The following AKAP19 variants were observed in gnomAD, a reference collection of about 807,000 sequenced individuals.
The protein encoded by AKAP19 is small A-kinase anchoring protein.
At chr2:190,072,041 A>T in the AKAP19 span, among the ~76,000 whole-genome samples, 1 of 152,202 alleles carries the variant, frequency 6.6e-6, no homozygotes, top group East Asian at 1.9e-4. Flanking sequence ...CTGCAAGGAG[A>T]AAGGGTAAGA....
the AKAP19 span, among the ~76,000 whole-genome samples, chr2:190,191,250 C>G: frequency 7.2e-5 from 11 of 152,082 alleles, no homozygotes; most frequent in Non-Finnish European, 1.3e-4. Context: ...TCAGGTGATT[C>G]TCATGCCTCA....
chr2:190,151,896 G>A, the AKAP19 span, among the ~76,000 whole-genome samples: 1 of 152,094 alleles, frequency 6.6e-6, no homozygotes, highest in Non-Finnish European at 1.5e-5. Context: ...CCAGCTACTT[G>A]GGAGGCTGAG....
chr2:190,154,532 G>T, the AKAP19 span, among the ~76,000 whole-genome samples: 2 of 152,116 alleles, frequency 1.3e-5, no homozygotes, highest in Non-Finnish European at 2.9e-5. Flanking sequence ...AATCGCTTTT[G>T]GGTGTGAGTT....
chr2:189,944,687 T>C, the AKAP19 span, among the ~76,000 whole-genome samples: 1 of 152,100 alleles, frequency 6.6e-6, no homozygotes, highest in East Asian at 1.9e-4. Flanking sequence ...AACGAACAGA[T>C]CATCCAGATA....
chr2:189,889,132 T>C, the AKAP19 span, among the ~76,000 whole-genome samples: 4 of 149,732 alleles, frequency 2.7e-5, no homozygotes, highest in Non-Finnish European at 4.5e-5. Context: ...TTATTGAGAG[T>C]TTTTAGTATG....
the AKAP19 span, among the ~76,000 whole-genome samples, chr2:190,147,405 CTTATAGTAT>C: frequency 6.6e-6 from 1 of 152,106 alleles, no homozygotes; most frequent in Non-Finnish European, 1.5e-5. Flanking sequence ...TGACTATGGC[CTTATAGTAT>C]AGTTTGAAAT....
chr2:189,921,536 A>G, the AKAP19 span, among the ~76,000 whole-genome samples: 2 of 152,220 alleles, frequency 1.3e-5, no homozygotes, highest in African/African-American at 2.4e-5. Context: ...TATCCCTTAG[A>G]AGATTTTTTT....
the AKAP19 span, among the ~76,000 whole-genome samples, chr2:190,130,789 T>A: frequency 1.3e-5 from 2 of 152,198 alleles, no homozygotes; most frequent in East Asian, 3.8e-4. Flanking sequence ...AGAAAGAGAA[T>A]AAGCAAATCA....
chr2:189,917,562 T>C, the AKAP19 span: 5 of 512,886 alleles, frequency 9.7e-6, no homozygotes, highest in Non-Finnish European at 1.7e-5. Context: ...TCTTTCTTTC[T>C]TATTAAGGTC....
chr2:190,198,653 AAAG>A, the AKAP19 span, among the ~76,000 whole-genome samples: 4 of 151,146 alleles, frequency 2.6e-5, no homozygotes, highest in Middle Eastern at 3.4e-3. Context: ...AAAAAAAAAA[AAAG>A]GTGTTTTCAG....
the AKAP19 span, among the ~76,000 whole-genome samples, chr2:190,197,905 T>C: frequency 5.9e-5 from 9 of 152,224 alleles, no homozygotes; most frequent in East Asian, 1.9e-4. This position sits in a 1 kb window ranked among gnomAD's most constrained non-coding sequence, Gnocchi z 4.0. Context: ...CTGACACTCA[T>C]TGAGTTCTCC....
At chr2:189,891,223 C>CTTTTTT in the AKAP19 span, among the ~76,000 whole-genome samples, 3 of 110,466 alleles carry the variant, frequency 2.7e-5, no homozygotes, top group Non-Finnish European at 5.3e-5. Context: ...TTTTTTTTTC[C>CTTTTTT]TTTTTTTTTT....
chr2:190,153,866 G>C, the AKAP19 span, among the ~76,000 whole-genome samples: 2 of 151,962 alleles, frequency 1.3e-5, no homozygotes, highest in Admixed American at 6.6e-5. Flanking sequence ...AGTCTATAAG[G>C]CTTTAGTATC....
At chr2:189,973,593 G>A in the AKAP19 span, among the ~76,000 whole-genome samples, 1 of 152,110 alleles carries the variant, frequency 6.6e-6, no homozygotes, top group Non-Finnish European at 1.5e-5. Flanking sequence ...GGTAGAATTT[G>A]GCTGTGAATC....
the AKAP19 span, among the ~76,000 whole-genome samples, chr2:190,053,575 G>A: frequency 3.9e-5 from 6 of 152,134 alleles, no homozygotes; most frequent in Admixed American, 1.3e-4. Flanking sequence ...ACGTTTTGCA[G>A]TGTGTAAACT....
the AKAP19 span, among the ~76,000 whole-genome samples, chr2:190,038,478 C>T: frequency 1.8e-4 from 27 of 152,270 alleles, no homozygotes; most frequent in Admixed American, 1.6e-3. Flanking sequence ...GAGGAATTCT[C>T]GTAGAGCTTT....
At chr2:190,012,920 T>G in the AKAP19 span, among the ~76,000 whole-genome samples, 2 of 152,232 alleles carry the variant, frequency 1.3e-5, no homozygotes, top group Non-Finnish European at 2.9e-5. Flanking sequence ...TTTGTAGATT[T>G]ATGTATCTTG....
the AKAP19 span, chr2:190,059,949 C>A: frequency 3.5e-6 from 4 of 1,143,780 alleles, no homozygotes; most frequent in African/African-American, 6.2e-5. Flanking sequence ...GGGTAAGATA[C>A]CTTTGTCTAG....
At chr2:190,179,458 G>A in the AKAP19 span, among the ~76,000 whole-genome samples, 59 of 151,976 alleles carry the variant, frequency 3.9e-4, no homozygotes, top group Admixed American at 2.6e-3. This position sits in a 1 kb window ranked among gnomAD's most constrained non-coding sequence, Gnocchi z 6.0. Context: ...ATTAATATAG[G>A]TATACTTACA....
Sources: gnomAD v4.1 joint callset for allele counts (sites outside exome capture counted in the v4.1 genomes callset) on GRCh38, gnomAD v4.1.1 for gene constraint, Gnocchi (gnomAD v3.1) non-coding constraint, MANE v1.5 for transcripts, NCBI Gene and HGNC (gene_info 2026-07-23, HGNC 2026-07-21) for gene names.